Variants in BTF3L4 observed in about 807,000 individuals in gnomAD.
BTF3L4 encodes basic transcription factor 3 like 4.
BTF3L4 carries 6 observed loss-of-function variants against 16.8 expected under a neutral mutation model. That is an observed-to-expected ratio of 0.36 (90% CI 0.20 to 0.71). The LOEUF (loss-of-function observed/expected upper bound fraction) is 0.71, where lower values mean the gene tolerates loss of function less well. BTF3L4 is among the 30% of genes least tolerant of loss of function. The pLI is 0.58. For synonymous variants in BTF3L4, 39 were observed against 59.8 expected, an observed-to-expected ratio of 0.65 and a Z score of 1.60; for missense variants, 92 against 186.9, an observed-to-expected ratio of 0.49 and a Z score of 2.96.
intron 2 of BTF3L4, among the ~76,000 whole-genome samples, chr1:52,063,797 T>A (rs901527881): frequency 6.6e-6 from 1 of 152,220 alleles, no homozygotes; most frequent in Non-Finnish European, 1.5e-5. Flanking sequence ...ATATCCCACG[T>A]GTAATCCATC....
intron 4 of BTF3L4, 140 bp from the exon 5 acceptor site, chr1:52,085,972 G>GTATTAAATGATTAAAGTTTTATTTTT: frequency 2.1e-6 from 1 of 471,442 alleles, no homozygotes; most frequent in Non-Finnish European, 3.6e-6. Context: ...CAAAAAATAT[G>GTATTAAATGATTAAAGTTTTATTTTT]AATGGCATTT....
At chr1:52,072,297 G>A (rs573852609) in intron 3 of BTF3L4, among the ~76,000 whole-genome samples, 16 of 151,978 alleles carry the variant, frequency 1.1e-4, no homozygotes, top group African/African-American at 3.1e-4. Flanking sequence ...CTCATGATCC[G>A]CCTGCCTTGG....
chr1:52,060,698 G>T, intron 2 of BTF3L4: 1 of 884,878 alleles, frequency 1.1e-6, no homozygotes, highest in Non-Finnish European at 1.4e-6. Flanking sequence ...GTCCCACTGT[G>T]TCATTTACAC....
In BTF3L4 at chr1:52,090,340, A is replaced by G. The variant is rs758384629; in HGVS notation, c.*3582A>G. 1 of 152,158 alleles carries G rather than the reference A, an allele frequency of 6.6e-6. No individual in the cohort carries two copies. The highest frequency in any genetic ancestry group is 1.5e-5 in the Non-Finnish European group (1 of 68,040). The allele number at this position is 152,158 out of a possible 1,614,324, so 9.4% of individuals were successfully genotyped here. A position where few individuals can be genotyped will look rare whatever the true frequency, so the allele number is the denominator to read the frequency against. On this transcript the variant is annotated 3_prime_UTR_variant, in exon 6 of 6. Coordinates refer to ENST00000313334, the MANE Select transcript of BTF3L4 (RefSeq NM_152265.5). ...TGTTATCTCCTAAGCTATGGCTTAG[A>G]TTTTCCGAAGCTCATGGTTCTAGGC...
chr1:52,061,635 C>CTTTTTTTTTTTTTTTTTTTTTTTTT, intron 2 of BTF3L4, among the ~76,000 whole-genome samples: 2 of 65,016 alleles, frequency 3.1e-5, no homozygotes, highest in Non-Finnish European at 5.9e-5. Flanking sequence ...TACAGCTATT[C>CTTTTTTTTTTTTTTTTTTTTTTTTT]TTTTTTTTTT....
At chr1:52,085,119 C>T (rs1194648775) in intron 4 of BTF3L4, among the ~76,000 whole-genome samples, 1 of 136,662 alleles carries the variant, frequency 7.3e-6, no homozygotes, top group Non-Finnish European at 1.5e-5. Context: ...CTGCCGGGTA[C>T]AAGCAATTAT....
At chr1:52,071,831 T>G (rs1470508868) in intron 3 of BTF3L4, among the ~76,000 whole-genome samples, 1 of 151,468 alleles carries the variant, frequency 6.6e-6, no homozygotes, top group African/African-American at 2.4e-5. Flanking sequence ...TACACGAGAG[T>G]AAAAGGGAAG....
rs371652841 is a variant in BTF3L4 at position 52,085,011 on chromosome 1, A to ATC, written c.371-1099_371-1098dup. Among the ~76,000 whole-genome samples the ATC allele has an allele frequency of 2.4e-3, 315 of 131,292 alleles. 2 individuals carry two copies. Among genetic ancestry groups the ATC allele is most frequent in the African/African-American group, 9.0e-3 (303 of 33,498 alleles). 86.1% of individuals were successfully genotyped at this position (131,292 alleles called of 152,430 possible). A position where few individuals can be genotyped will look rare whatever the true frequency, so the allele number is the denominator to read the frequency against. ...TCTTACACCAAAAGAAATGAAAAAA[A>ATC]TCTTTTTTTTTTTTTTTTTTTTTTT... On this transcript the variant is annotated intron_variant, in intron 4 of 5. Coordinates refer to ENST00000313334, the MANE Select transcript of BTF3L4 (RefSeq NM_152265.5).
chr1:52,081,819 G>A (rs192276727), intron 3 of BTF3L4, among the ~76,000 whole-genome samples: 1 of 152,282 alleles, frequency 6.6e-6, no homozygotes, highest in African/African-American at 2.4e-5. Context: ...TGTGGGTTTA[G>A]TTACAATTTT....
At chr1:52,070,090 G>T (rs1686746121) in intron 3 of BTF3L4, among the ~76,000 whole-genome samples, 1 of 152,004 alleles carries the variant, frequency 6.6e-6, no homozygotes. Context: ...GGTGGTGCAT[G>T]CCTGTAATCC....
Position 52,083,243 on chromosome 1 carries a change from CAAGTA to C in BTF3L4, c.169-93_169-89del. The C allele has an allele frequency of 3.0e-6, 3 of 986,788 alleles. No homozygotes were observed. The South Asian group carries it at 4.6e-5, about 15-fold the overall frequency. 61.1% of individuals were successfully genotyped at this position (986,788 alleles called of 1,614,324 possible). ...TACTACCTTGGGATTACATAACTAC[CAAGTA>C]AAGAACCATAATTGGCTGAATTGCT... is the stretch of plus-strand genomic sequence containing the variant. On this transcript the variant is annotated intron_variant, in intron 3 of 5. Coordinates refer to ENST00000313334, the MANE Select transcript of BTF3L4 (RefSeq NM_152265.5).
chr1:52,066,137 A>C (rs1269231225), intron 3 of BTF3L4, among the ~76,000 whole-genome samples: 1 of 152,214 alleles, frequency 6.6e-6, no homozygotes, highest in Non-Finnish European at 1.5e-5. Flanking sequence ...TACTTAATAA[A>C]TAACAACAAC....
At chr1:52,076,162 A>G (rs1014200046) in intron 3 of BTF3L4, among the ~76,000 whole-genome samples, 17 of 152,056 alleles carry the variant, frequency 1.1e-4, no homozygotes, top group Non-Finnish European at 1.2e-4. Flanking sequence ...TGTAATCCCA[A>G]CTACTTGGGA....
At position 52,072,673 on chromosome 1, in the gene BTF3L4, A is replaced by G. The variant is rs566425972; in HGVS notation, c.168+7735A>G. ...GTGTATCAGAACTTCACGGATTTATAGCTGAATAATATTCCATTGTATGCG... is the reference window on the plus strand; with the variant it reads ...GTGTATCAGAACTTCACGGATTTATGGCTGAATAATATTCCATTGTATGCG... On this transcript the variant is annotated intron_variant, in intron 3 of 5. Transcript: ENST00000313334. Among the ~76,000 whole-genome samples, 3 of 152,310 alleles carry G rather than the reference A, an allele frequency of 2.0e-5. No homozygotes were observed. The South Asian group carries it at 6.2e-4, about 32-fold the overall frequency.
rs1250632534 is a variant in BTF3L4 at position 52,089,333 on chromosome 1, T to G, written c.*2575T>G. 1 of 152,154 alleles carries G rather than the reference T, an allele frequency of 6.6e-6. No individual in the cohort carries two copies. Among genetic ancestry groups the G allele is most frequent in the Non-Finnish European group, 1.5e-5 (1 of 68,022 alleles). The allele number at this position is 152,154 out of a possible 1,614,324, so 9.4% of individuals were successfully genotyped here. A position where few individuals can be genotyped will look rare whatever the true frequency, so the allele number is the denominator to read the frequency against. On this transcript the variant is annotated 3_prime_UTR_variant, in exon 6 of 6. Transcript: ENST00000313334. ...CTCTCTTGTGTACAATGAGCCAATA[T>G]TCTTTTTTGTTCTATATTTTTGTAT...
chr1:52,077,919 C>G (rs928592400), intron 3 of BTF3L4, among the ~76,000 whole-genome samples: 4 of 152,246 alleles, frequency 2.6e-5, no homozygotes, highest in African/African-American at 9.6e-5. Context: ...TGGGCTGATT[C>G]TGAAAGGTCA....
intron 3 of BTF3L4, among the ~76,000 whole-genome samples, chr1:52,075,667 A>G (rs1323471641): frequency 6.7e-6 from 1 of 149,138 alleles, no homozygotes; most frequent in Non-Finnish European, 1.5e-5. Flanking sequence ...GTATATTTTT[A>G]TATATATAAA....
In BTF3L4 at chr1:52,086,103, T is replaced by G. The variant is rs1332719894; in HGVS notation, c.371-9T>G. 1.3e-6 allele frequency: 2 copies of G among 1,585,764 alleles called. No individual in the cohort carries two copies. Among genetic ancestry groups the G allele is most frequent in the Non-Finnish European group, 1.7e-6 (2 of 1,165,938 alleles). Reference sequence around the variant, plus strand: ...CTCAATGACTAATATTAAAATAAACTTTTTGTAGTCTTGGACAGTAAAGCA... The same window carrying G: ...CTCAATGACTAATATTAAAATAAACGTTTTGTAGTCTTGGACAGTAAAGCA... On this transcript the variant is annotated splice_polypyrimidine_tract_variant and intron_variant, in intron 4 of 5. Coordinates refer to ENST00000313334, the MANE Select transcript of BTF3L4 (RefSeq NM_152265.5).
intron 3 of BTF3L4, among the ~76,000 whole-genome samples, chr1:52,065,635 A>G (rs1686628373): frequency 6.6e-6 from 1 of 152,152 alleles, no homozygotes; most frequent in Non-Finnish European, 1.5e-5. Flanking sequence ...ACCCTAATGC[A>G]CCTGTATATT....
Sources: allele counts gnomAD v4.1 joint callset (sites outside exome capture counted in the v4.1 genomes callset), GRCh38; gene constraint gnomAD v4.1.1; transcripts MANE v1.5; gene names NCBI Gene and HGNC (gene_info 2026-07-23, HGNC 2026-07-21).